POU2F2: variants seen among roughly 807,000 people sequenced by gnomAD.
POU2F2 encodes the protein POU domain, class 2, transcription factor 2.
Under a neutral mutation model 63.5 loss-of-function variants are expected in POU2F2, and 14 were observed. The ratio of observed to expected loss-of-function variants is 0.22; its 90% CI spans 0.15 to 0.34. POU2F2 has a LOEUF of 0.34. Ranked by LOEUF, POU2F2 falls within the 10% of genes least tolerant of loss-of-function variation. The pLI is 1.00. For missense variants in POU2F2, 607 were observed against 815.2 expected, an observed-to-expected ratio of 0.74 and a Z score of 3.11; for synonymous variants, 306 against 348.6, an observed-to-expected ratio of 0.88 and a Z score of 1.36.
chr19:42,119,943 G>C (rs1382252786), intron 4 of POU2F2, among the ~76,000 whole-genome samples: 1 of 151,598 alleles, frequency 6.6e-6, no homozygotes, highest in South Asian at 2.1e-4. Flanking sequence ...TTTTGAGACA[G>C]GGTCTTGCTC....
intron 2 of POU2F2, among the ~76,000 whole-genome samples, chr19:42,138,971 GT>G (rs2034073087): frequency 6.6e-6 from 1 of 152,150 alleles, no homozygotes. Flanking sequence ...AGAATTCCCA[GT>G]TCGCCTCATG....
chr19:42,118,111 G>C (rs2032158964), intron 4 of POU2F2, among the ~76,000 whole-genome samples: 1 of 152,082 alleles, frequency 6.6e-6, no homozygotes, highest in Admixed American at 6.6e-5. Flanking sequence ...TTTCTGTAGA[G>C]ACAGGGTATC....
At chr19:42,109,176 G>A (rs150509828) in intron 5 of POU2F2, among the ~76,000 whole-genome samples, 20 of 152,342 alleles carry the variant, frequency 1.3e-4, no homozygotes, top group African/African-American at 4.1e-4. Flanking sequence ...GGAGTTCACT[G>A]AGGAGGAGCC....
At position 42,096,024 on chromosome 19, in the gene POU2F2, A is replaced by G; in HGVS notation, c.729+58T>C. On this transcript the variant is annotated intron_variant, in intron 8 of 14. Coordinates refer to ENST00000692977, the MANE Select transcript of POU2F2 (RefSeq NM_001394376.1). The surrounding 1 kb of genome is among the most constrained non-coding windows in gnomAD (Gnocchi z 4.1). ...GCCCACTGGCCACGCCCCTCGCGGC[A>G]TCTATCAACTGGCCACGCCCCCACG... 2 of 1,610,262 alleles carry G rather than the reference A, an allele frequency of 1.2e-6. No individual in the cohort carries two copies. The highest frequency in any genetic ancestry group is 1.7e-5 in the Admixed American group (1 of 59,474).
chr19:42,189,566 C>A (rs572147158), intron 1 of POU2F2, among the ~76,000 whole-genome samples: 1 of 152,276 alleles, frequency 6.6e-6, no homozygotes, highest in East Asian at 1.9e-4. Context: ...AAATATCTTT[C>A]TTGCTTAAGT....
rs1283647781 is a variant in POU2F2, at chr19:42,089,314, C to T, written c.*1943G>A. ...GGAGAGAGGTCAGACAAAAGAGAAC[C>T]GAAAAAGAAATCAAAGGAGGAATCA... On this transcript the variant is annotated 3_prime_UTR_variant, in exon 15 of 15. Transcript: ENST00000692977. 1 of 152,340 alleles carries T rather than the reference C, an allele frequency of 6.6e-6. No individual in the cohort carries two copies. The highest frequency in any genetic ancestry group is 1.5e-5 in the Non-Finnish European group (1 of 67,968). The allele number at this position is 152,340 out of a possible 1,614,324, so 9.4% of individuals were successfully genotyped here. A position where few individuals can be genotyped will look rare whatever the true frequency, so the allele number is the denominator to read the frequency against.
At chr19:42,173,817 G>A (rs938754503) in intron 1 of POU2F2, among the ~76,000 whole-genome samples, 2 of 152,170 alleles carry the variant, frequency 1.3e-5, no homozygotes, top group Non-Finnish European at 2.9e-5. Context: ...CAGCCTCAGG[G>A]AAATGGGGGT....
Position 42,088,542 on chromosome 19 carries a change from T to C in POU2F2, c.*2715A>G, listed in dbSNP as rs1413363472. The C allele has an allele frequency of 6.6e-6, 1 of 151,344 alleles. No individual in the cohort carries two copies. The highest frequency in any genetic ancestry group is 2.4e-5 in the African/African-American group (1 of 41,062). 9.4% of individuals were successfully genotyped at this position (151,344 alleles called of 1,614,324 possible). On this transcript the variant is annotated 3_prime_UTR_variant, in exon 15 of 15. Transcript: ENST00000692977. ...CTTTTTGGTCTAGAATCATAGTTTT[T>C]GTTTGAGTCATCTCCACCATGCCTT...
chr19:42,159,293 G>A (rs963875590), intron 2 of POU2F2, among the ~76,000 whole-genome samples: 2 of 152,102 alleles, frequency 1.3e-5, no homozygotes, highest in Admixed American at 6.5e-5. Context: ...GAGCTAAAAA[G>A]CAGTCCCCCA....
chr19:42,151,332 GC>G (rs2146772829), intron 2 of POU2F2, among the ~76,000 whole-genome samples: 1 of 152,304 alleles, frequency 6.6e-6, no homozygotes, highest in Admixed American at 6.5e-5. Context: ...GGGGCCGCCT[GC>G]CCCTCCTCTG....
At chr19:42,174,477 C>CATAA (rs148872875) in intron 1 of POU2F2, among the ~76,000 whole-genome samples, 3,820 of 152,296 alleles carry the variant, frequency 0.025, 82 homozygotes, top group Non-Finnish European at 0.04. Flanking sequence ...GCGAGTGATA[C>CATAA]ATAAACATCA....
chr19:42,094,935 C>T (rs754106931), intron 11 of POU2F2, among the ~76,000 whole-genome samples: 87 of 152,296 alleles, frequency 5.7e-4, no homozygotes, highest in Non-Finnish European at 1.1e-3. Context: ...ACAATTTCCC[C>T]GAACGGCAAA....
At chr19:42,190,430 G>A (rs936127639) in intron 1 of POU2F2, among the ~76,000 whole-genome samples, 2 of 152,164 alleles carry the variant, frequency 1.3e-5, no homozygotes, top group Admixed American at 1.3e-4. Context: ...AGAAGGGTAA[G>A]TGAGAGAGGG....
intron 1 of POU2F2, among the ~76,000 whole-genome samples, chr19:42,130,018 C>A (rs766414632): frequency 1.3e-5 from 2 of 152,148 alleles, no homozygotes; most frequent in Non-Finnish European, 1.5e-5. Flanking sequence ...CATGATGCCA[C>A]GGGCATATAT....
chr19:42,127,805 G>A (rs1257890578), intron 1 of POU2F2, among the ~76,000 whole-genome samples: 3 of 151,922 alleles, frequency 2.0e-5, no homozygotes, highest in Non-Finnish European at 2.9e-5. Context: ...GTAGCTAGCC[G>A]GGCCCCACTA....
intron 5 of POU2F2, among the ~76,000 whole-genome samples, chr19:42,110,380 G>T (rs933486522): frequency 1.3e-5 from 2 of 152,208 alleles, no homozygotes; most frequent in Non-Finnish European, 2.9e-5. Flanking sequence ...GGGACGCACT[G>T]CCTGGGAAGG....
At chr19:42,104,981 T>C (rs1377843513) in intron 5 of POU2F2, among the ~76,000 whole-genome samples, 3 of 152,176 alleles carry the variant, frequency 2.0e-5, no homozygotes, top group Non-Finnish European at 4.4e-5. Context: ...TTAAGGGTTC[T>C]GAAGTCCTAG....
At chr19:42,122,971 G>A (rs1254378654) in intron 1 of POU2F2, among the ~76,000 whole-genome samples, 1 of 152,180 alleles carries the variant, frequency 6.6e-6, no homozygotes, top group African/African-American at 2.4e-5. Flanking sequence ...GGCCGCCCAG[G>A]CTCCCGTCCT....
upstream of POU2F2, chr19:42,132,711 C>G (rs767278480): frequency 4.0e-5 from 15 of 371,388 alleles, no homozygotes; most frequent in Non-Finnish European, 6.3e-5. Flanking sequence ...TTCTGTCGCC[C>G]CCATGGAGGC....
Sources: allele counts gnomAD v4.1 joint callset (sites outside exome capture counted in the v4.1 genomes callset), GRCh38; gene constraint gnomAD v4.1.1; non-coding constraint Gnocchi (gnomAD v3.1); transcripts MANE v1.5; gene names NCBI Gene and HGNC (gene_info 2026-07-23, HGNC 2026-07-21).